Variants in CDH13 observed in about 807,000 individuals in gnomAD.
CDH13 encodes cadherin 13.
In CDH13, 24 loss-of-function variants were observed where a neutral mutation model predicts 63.8. That is an observed-to-expected ratio of 0.38 (90% CI 0.27 to 0.53). CDH13 has a LOEUF of 0.53. Among genes scored for constraint, CDH13 ranks in the 20% least tolerant of loss-of-function variants. The probability of loss-of-function intolerance (pLI) is 0.85; values close to 1 mark genes in which losing one functional copy is unlikely to be tolerated. For missense variants in CDH13, 1,049 were observed against 903.1 expected (o/e 1.16, Z -2.07); for synonymous variants, 503 against 355.3 (o/e 1.42, Z -4.67).
chr16:83,256,548 G>A (rs983315018), intron 5 of CDH13, among the ~76,000 whole-genome samples: 3 of 151,656 alleles, frequency 2.0e-5, no homozygotes, highest in Non-Finnish European at 2.9e-5. Flanking sequence ...GAAGTTTCCA[G>A]TGGCCAGGCA....
intron 3 of CDH13, among the ~76,000 whole-genome samples, chr16:83,114,439 C>A (rs1342979872): frequency 6.6e-6 from 1 of 152,184 alleles, no homozygotes; most frequent in Non-Finnish European, 1.5e-5. Flanking sequence ...TTTACAACAG[C>A]TTATTGGCTT....
At chr16:82,721,181 C>T (rs1333176525) in intron 1 of CDH13, among the ~76,000 whole-genome samples, 1 of 152,068 alleles carries the variant, frequency 6.6e-6, no homozygotes, top group Non-Finnish European at 1.5e-5. Flanking sequence ...GATATTAAAA[C>T]CTCAGTTTCT....
At chr16:82,635,575 T>G (rs1908555145) in intron 1 of CDH13, among the ~76,000 whole-genome samples, 1 of 152,178 alleles carries the variant, frequency 6.6e-6, no homozygotes, top group African/African-American at 2.4e-5. Flanking sequence ...AGTGATGTGA[T>G]CAGATTTGCA....
intron 2 of CDH13, among the ~76,000 whole-genome samples, chr16:82,919,103 T>G (rs2042079959): frequency 6.6e-6 from 1 of 152,246 alleles, no homozygotes; most frequent in South Asian, 2.1e-4. Flanking sequence ...GTAATTGATA[T>G]GACAAGAATA....
At chr16:82,882,326 T>G (rs2040733330) in intron 2 of CDH13, among the ~76,000 whole-genome samples, 1 of 152,196 alleles carries the variant, frequency 6.6e-6, no homozygotes, top group Non-Finnish European at 1.5e-5. Flanking sequence ...GTCATCTTCC[T>G]TTGGAGACCA....
chr16:82,636,827 G>A (rs374917087), intron 1 of CDH13, among the ~76,000 whole-genome samples: 22 of 152,114 alleles, frequency 1.4e-4, no homozygotes, highest in Non-Finnish European at 2.4e-4. Context: ...AAATACTCCC[G>A]TCATGGGCAA....
chr16:82,858,512 C>A, intron 2 of CDH13, 39 bp downstream of exon 2: 2 of 1,198,624 alleles, frequency 1.7e-6, no homozygotes, highest in African/African-American at 1.5e-5. Context: ...AGACTCTTCT[C>A]ATATTTGAAT....
intron 4 of CDH13, among the ~76,000 whole-genome samples, chr16:83,162,057 A>C (rs763176687): frequency 2.0e-5 from 3 of 152,178 alleles, no homozygotes; most frequent in Non-Finnish European, 4.4e-5. Flanking sequence ...GGTTAGGCCC[A>C]TTTTATAAAG....
At chr16:83,139,781 T>C (rs2036451646) in intron 4 of CDH13, among the ~76,000 whole-genome samples, 1 of 152,118 alleles carries the variant, frequency 6.6e-6, no homozygotes, top group Admixed American at 6.5e-5. Flanking sequence ...ACCGGGTGGA[T>C]CACCTGAGGT....
chr16:83,724,260 T>A (rs1910088750), intron 10 of CDH13, among the ~76,000 whole-genome samples: 1 of 149,756 alleles, frequency 6.7e-6, no homozygotes, highest in Non-Finnish European at 1.5e-5. Flanking sequence ...GGATGATGAA[T>A]GCATGGGTGG....
intron 7 of CDH13, among the ~76,000 whole-genome samples, chr16:83,564,495 G>A (rs138036336): frequency 0.083 from 11,997 of 144,154 alleles, 774 homozygotes; most frequent in African/African-American, 0.17. Flanking sequence ...TGCAACCTCT[G>A]CCTCCCGGGT....
At chr16:83,720,010 C>G (rs1407299742) in intron 10 of CDH13, among the ~76,000 whole-genome samples, 1 of 152,164 alleles carries the variant, frequency 6.6e-6, no homozygotes, top group Non-Finnish European at 1.5e-5. Context: ...CTCCATTTTC[C>G]TCATATTCAA....
intron 10 of CDH13, among the ~76,000 whole-genome samples, chr16:83,737,705 C>T (rs776592102): frequency 1.3e-5 from 2 of 152,146 alleles, no homozygotes; most frequent in Admixed American, 6.5e-5. Context: ...ATGGAAAGGT[C>T]CCATCATATC....
intron 3 of CDH13, among the ~76,000 whole-genome samples, chr16:83,083,933 A>G (rs777768196): frequency 2.6e-5 from 4 of 152,178 alleles, no homozygotes; most frequent in Non-Finnish European, 5.9e-5. Context: ...GGTAAGTCTC[A>G]CTATCTCGTT....
intron 9 of CDH13, among the ~76,000 whole-genome samples, chr16:83,677,060 A>T (rs1293968865): frequency 2.6e-5 from 4 of 152,180 alleles, no homozygotes; most frequent in Admixed American, 2.6e-4. Flanking sequence ...CTGATGGGTT[A>T]GCTGTTTGTT....
chr16:82,691,185 C>G (rs1020415772), intron 1 of CDH13, among the ~76,000 whole-genome samples: 1 of 152,172 alleles, frequency 6.6e-6, no homozygotes, highest in African/African-American at 2.4e-5. Context: ...GAGGTGTTAC[C>G]TACAAGTGAG....
chr16:83,197,577 A>G (rs893381405), intron 4 of CDH13, among the ~76,000 whole-genome samples: 2 of 152,128 alleles, frequency 1.3e-5, no homozygotes, highest in African/African-American at 2.4e-5. Context: ...ATGGAAATGG[A>G]GAACAGATCA....
intron 7 of CDH13, among the ~76,000 whole-genome samples, chr16:83,587,056 C>T (rs1304590971): frequency 6.6e-6 from 1 of 152,134 alleles, no homozygotes; most frequent in Non-Finnish European, 1.5e-5. Flanking sequence ...TCTAAAGCCA[C>T]CTGGAATTAT....
chr16:83,121,372 C>T (rs1165244809), intron 3 of CDH13, among the ~76,000 whole-genome samples: 1 of 152,210 alleles, frequency 6.6e-6, no homozygotes, highest in African/African-American at 2.4e-5. Context: ...GAGCAGTTTG[C>T]ATGCAACCTC....
Sources: gnomAD v4.1 joint callset for allele counts (sites outside exome capture counted in the v4.1 genomes callset) on GRCh38, gnomAD v4.1.1 for gene constraint, MANE v1.5 for transcripts, NCBI Gene and HGNC (gene_info 2026-07-23, HGNC 2026-07-21) for gene names.